Variants in CSRNP3 observed in about 807,000 individuals in gnomAD.
CSRNP3 encodes cysteine/serine-rich nuclear protein 3.
Under a neutral mutation model 48.0 loss-of-function variants are expected in CSRNP3, and 12 were observed. The ratio of observed to expected loss-of-function variants is 0.25; its 90% confidence interval spans 0.16 to 0.41. The LOEUF is 0.41. Among genes scored for constraint, CSRNP3 ranks in the 10% least tolerant of loss-of-function variants. The pLI, the probability that CSRNP3 is intolerant of heterozygous loss-of-function variation, is 1.00. For synonymous variants in CSRNP3, 263 were observed against 269.7 expected, an observed-to-expected ratio of 0.98 and a Z score of 0.24; for missense variants, 580 against 724.4, an observed-to-expected ratio of 0.80 and a Z score of 2.29.
chr2:165,566,531 G>A (rs540905069), intron 3 of CSRNP3, among the ~76,000 whole-genome samples: 11 of 151,692 alleles, frequency 7.3e-5, no homozygotes, highest in African/African-American at 2.7e-4. Flanking sequence ...TACCTCATAG[G>A]CTTGTTGTGA....
intron 3 of CSRNP3, among the ~76,000 whole-genome samples, chr2:165,594,393 T>C (rs1042990278): frequency 1.3e-5 from 2 of 152,222 alleles, no homozygotes; most frequent in African/African-American, 4.8e-5. Flanking sequence ...TAACCCAAGA[T>C]AAATTATTTA....
intron 4 of CSRNP3, among the ~76,000 whole-genome samples, chr2:165,652,175 T>C (rs1238349513): frequency 6.6e-6 from 1 of 152,132 alleles, no homozygotes; most frequent in South Asian, 2.1e-4. Flanking sequence ...TTCAGGCTGG[T>C]ATTATGTTGG....
chr2:165,582,233 G>C lies in CSRNP3; in HGVS notation c.-23-12810G>C, dbSNP rs114370192. Among the ~76,000 whole-genome samples, 1,284 of 152,254 alleles carry C rather than the reference G, an allele frequency of 8.4e-3. 22 individuals are homozygous for C. The highest frequency in any genetic ancestry group is 0.029 in the African/African-American group (1,222 of 41,538). The stretch of plus-strand genomic sequence containing the variant: ...TTGTTAAAACTACCTTGTAGAATGT[G>C]GTGGAAGGTTACAGAGAACGGTTAC... On this transcript the variant is annotated intron_variant, in intron 3 of 6. Coordinates refer to ENST00000651982, the MANE Select transcript of CSRNP3 (RefSeq NM_001172173.2).
intron 3 of CSRNP3, among the ~76,000 whole-genome samples, chr2:165,580,424 A>G (rs1178320155): frequency 6.6e-6 from 1 of 152,190 alleles, no homozygotes; most frequent in Non-Finnish European, 1.5e-5. Context: ...CCTGCCTTAA[A>G]TAGTAAAAAT....
rs371636349 is a variant in CSRNP3, at chr2:165,604,972, G to A, written c.148+9759G>A. 3.9e-5 allele frequency among the ~76,000 whole-genome samples: 6 copies of A among 151,994 alleles called. No individual in the cohort carries two copies. The East Asian group carries it at 7.7e-4, about 20-fold the overall frequency. On this transcript the variant is annotated intron_variant, in intron 4 of 6. Transcript: ENST00000651982. ...TATTTGCTTTTTCTCCCACAGTCAC[G>A]TCTTATATAAATGTATCTGAAATCT...
chr2:165,490,722 G>A (rs1429416760), intron 1 of CSRNP3, among the ~76,000 whole-genome samples: 16 of 134,854 alleles, frequency 1.2e-4, no homozygotes, highest in African/African-American at 3.9e-4. Flanking sequence ...TTAATAAATG[G>A]TGCTGGGAAA....
intron 3 of CSRNP3, among the ~76,000 whole-genome samples, chr2:165,587,870 G>A (rs935397377): frequency 9.9e-5 from 15 of 152,098 alleles, no homozygotes; most frequent in African/African-American, 3.6e-4. Flanking sequence ...GAGATGAATA[G>A]GATTTCTGAC....
At chr2:165,644,219 TG>T (rs1289170770) in intron 4 of CSRNP3, among the ~76,000 whole-genome samples, 1 of 152,156 alleles carries the variant, frequency 6.6e-6, no homozygotes, top group African/African-American at 2.4e-5. Context: ...ATATTTCAAA[TG>T]GTTTCTAATG....
rs920322952 is a variant in CSRNP3 at position 165,612,019 on chromosome 2, C to T, written c.148+16806C>T. On this transcript the variant is annotated intron_variant, in intron 4 of 6. Coordinates refer to ENST00000651982, the MANE Select transcript of CSRNP3 (RefSeq NM_001172173.2). The stretch of plus-strand genomic sequence containing the variant: ...AAGTAAAAACATTTATAATTTAACA[C>T]ATTTGCTCTTGCCTTTATCTTTTTT... Among the ~76,000 whole-genome samples, 20 of 152,150 alleles carry T rather than the reference C, an allele frequency of 1.3e-4. 1 individual carries two copies. The highest frequency in any genetic ancestry group is 4.6e-4 in the African/African-American group (19 of 41,540).
At chr2:165,556,511 C>T (rs975891851) in intron 3 of CSRNP3, among the ~76,000 whole-genome samples, 45 of 152,112 alleles carry the variant, frequency 3.0e-4, no homozygotes, top group African/African-American at 8.4e-4. Flanking sequence ...ACTTTGGGGA[C>T]GTCCAAGTGG....
intron 3 of CSRNP3, among the ~76,000 whole-genome samples, chr2:165,520,783 T>TTATATA (rs869287628): frequency 1.2e-3 from 36 of 29,620 alleles, no homozygotes; most frequent in South Asian, 2.5e-3. Flanking sequence ...TATATATATA[T>TTATATA]TATATATATA....
intron 3 of CSRNP3, among the ~76,000 whole-genome samples, chr2:165,541,319 C>A (rs1478898437): frequency 6.6e-6 from 1 of 151,836 alleles, no homozygotes; most frequent in African/African-American, 2.4e-5. Flanking sequence ...AGGAAAGACC[C>A]TTTTGTTTTA....
chr2:165,566,927 C>T (rs1047834651), intron 3 of CSRNP3: 2 of 151,916 alleles, frequency 1.3e-5, no homozygotes. Context: ...GAATAATATG[C>T]CAAAGTTGTT....
chr2:165,684,440 T>G lies in CSRNP3; in HGVS notation c.*4687T>G, dbSNP rs1017658013. 1.3e-5 allele frequency: 2 copies of G among 152,124 alleles called. No homozygotes were observed. Among genetic ancestry groups the G allele is most frequent in the Admixed American group, 6.6e-5 (1 of 15,248 alleles). 9.4% of individuals were successfully genotyped at this position (152,124 alleles called of 1,614,324 possible). On this transcript the variant is annotated 3_prime_UTR_variant, in exon 7 of 7. Coordinates refer to ENST00000651982, the MANE Select transcript of CSRNP3 (RefSeq NM_001172173.2). Reference sequence around the variant, plus strand: ...TGCAGTGCCATTATAGCCAGTGTATTAAATACCAGGCTTTAATGGGAAGCA... The same window carrying G: ...TGCAGTGCCATTATAGCCAGTGTATGAAATACCAGGCTTTAATGGGAAGCA...
intron 4 of CSRNP3, among the ~76,000 whole-genome samples, chr2:165,622,647 A>G (rs989565848): frequency 2.0e-5 from 3 of 152,156 alleles, no homozygotes; most frequent in Non-Finnish European, 4.4e-5. Flanking sequence ...TCAGATCCTG[A>G]CACCATGTTC....
At chr2:165,484,683 C>T (rs1280282889) in intron 1 of CSRNP3, among the ~76,000 whole-genome samples, 2 of 152,252 alleles carry the variant, frequency 1.3e-5, no homozygotes, top group South Asian at 2.1e-4. Context: ...ACTGTCTTTT[C>T]CCGTAGTTTT....
chr2:165,656,433 A>G (rs1687006317), intron 4 of CSRNP3, among the ~76,000 whole-genome samples: 1 of 152,194 alleles, frequency 6.6e-6, no homozygotes, highest in South Asian at 2.1e-4. Context: ...AAAAAAATCA[A>G]TATGTGAGAT....
intron 1 of CSRNP3, among the ~76,000 whole-genome samples, chr2:165,482,950 C>T (rs1684067302): frequency 6.6e-6 from 1 of 152,022 alleles, no homozygotes; most frequent in Non-Finnish European, 1.5e-5. Flanking sequence ...TGTAATCAAC[C>T]TAAGCCCATG....
chr2:165,658,067 A>C (rs761597012), intron 5 of CSRNP3, 47 bp downstream of exon 5: 2 of 1,575,318 alleles, frequency 1.3e-6, no homozygotes, highest in Non-Finnish European at 1.7e-6. Flanking sequence ...CCTTACAGCA[A>C]TTTGATTGAG....
Sources: allele counts gnomAD v4.1 joint callset (sites outside exome capture counted in the v4.1 genomes callset), GRCh38; gene constraint gnomAD v4.1.1; transcripts MANE v1.5; gene names NCBI Gene and HGNC (gene_info 2026-07-23, HGNC 2026-07-21).